The following PAFAH1B2 variants were observed in gnomAD, a reference collection of about 807,000 sequenced individuals.
The protein encoded by PAFAH1B2 is platelet-activating factor acetylhydrolase IB subunit alpha2.
In PAFAH1B2, 8 loss-of-function variants were observed where a neutral mutation model predicts 28.0. That is an observed-to-expected ratio of 0.29 (90% CI 0.17 to 0.52). The LOEUF is 0.52. Ranked by LOEUF, PAFAH1B2 falls within the 20% of genes least tolerant of loss-of-function variation. PAFAH1B2 has a pLI of 0.97. For synonymous variants in PAFAH1B2, 104 were observed against 103.2 expected (o/e 1.01, Z -0.05); for missense variants, 190 against 282.6 (o/e 0.67, Z 2.35).
intron 4 of PAFAH1B2, 22 bp from the exon 5 acceptor site, chr11:117,163,748 C>T (rs1956432223): frequency 1.9e-6 from 3 of 1,611,242 alleles, no homozygotes; most frequent in South Asian, 1.1e-5. Flanking sequence ...TTCTCCTTCC[C>T]CCCTTTTTTC....
At chr11:117,172,390 ATATATATATATATATTTTTTTTTTTTTTT>A (rs1956687234), downstream of PAFAH1B2, among the ~76,000 whole-genome samples, 4 of 1,880 alleles carry the variant, frequency 2.1e-3, no homozygotes, top group Admixed American at 6.8e-3. Context: ...ATATATATAT[ATATATATATATATATTTTTTTTTTTTTTT>A]TTTTTTTTTT....
In PAFAH1B2 at chr11:117,159,881, A is replaced by G. The variant is rs916238444; in HGVS notation, c.82-53A>G. 28 of 1,327,084 alleles carry G rather than the reference A, an allele frequency of 2.1e-5. No individual in the cohort carries two copies. The African/African-American group carries it at 3.3e-4, about 16-fold the overall frequency. The allele number at this position is 1,327,084 out of a possible 1,614,324, so 82.2% of individuals were successfully genotyped here. On this transcript the variant is annotated intron_variant, in intron 2 of 5. Coordinates refer to ENST00000527958, the MANE Select transcript of PAFAH1B2 (RefSeq NM_002572.4). Reference sequence around the variant, plus strand: ...GTTGAGAGTTCAAGCATGGGCCACCACACCCAGCCAGAAGTGCCAGTTAAT... The same window carrying G: ...GTTGAGAGTTCAAGCATGGGCCACCGCACCCAGCCAGAAGTGCCAGTTAAT...
At chr11:117,150,350 A>G (rs1395963728) in intron 1 of PAFAH1B2, among the ~76,000 whole-genome samples, 2 of 151,708 alleles carry the variant, frequency 1.3e-5, no homozygotes, top group Non-Finnish European at 2.9e-5. Context: ...GGGTTTCACC[A>G]TGTTGGCCAG....
chr11:117,151,397 T>G (rs1956148668), intron 1 of PAFAH1B2, among the ~76,000 whole-genome samples: 1 of 151,748 alleles, frequency 6.6e-6, no homozygotes. Flanking sequence ...GCCCAGCTAA[T>G]TTTTTGTATT....
chr11:117,144,721 AGG>A (rs2134155426), intron 1 of PAFAH1B2, among the ~76,000 whole-genome samples: 1 of 152,040 alleles, frequency 6.6e-6, no homozygotes, highest in South Asian at 2.1e-4. Flanking sequence ...CTTTCCCAGG[AGG>A]GTAGCGCGGC....
rs761852681 is a variant in PAFAH1B2 at position 117,161,299 on chromosome 11, A to C, written c.288+38A>C. ...TTACTTGTCAATGTCATTAATCTTA[A>C]GTCTGTTTTGGATAGTTAAATTGTC... On this transcript the variant is annotated intron_variant, in intron 4 of 5. Coordinates refer to ENST00000527958, the MANE Select transcript of PAFAH1B2 (RefSeq NM_002572.4). 2.3e-6 allele frequency: 3 copies of C among 1,277,524 alleles called. No individual in the cohort carries two copies. In the Admixed American group the frequency reaches 7.5e-5, roughly 32 times the overall value. The allele number at this position is 1,277,524 out of a possible 1,614,324, so 79.1% of individuals were successfully genotyped here. A position where few individuals can be genotyped will look rare whatever the true frequency, so the allele number is the denominator to read the frequency against.
chr11:117,175,674 A>G (rs971348386), downstream of PAFAH1B2: 14 of 1,288,570 alleles, frequency 1.1e-5, no homozygotes, highest in Admixed American at 3.5e-5. Context: ...GCCCCGTTAA[A>G]TTGCAGTTTT....
intron 1 of PAFAH1B2, among the ~76,000 whole-genome samples, chr11:117,151,233 C>CTT (rs11449159): frequency 0.045 from 5,982 of 133,834 alleles, 342 homozygotes; most frequent in African/African-American, 0.12. Flanking sequence ...TTTTCTTTTT[C>CTT]TTTTTTTTTT....
At chr11:117,172,375 TATATATATATATATATATATATATATATA>T (rs1393067663), downstream of PAFAH1B2, among the ~76,000 whole-genome samples, 126 of 2,336 alleles carry the variant, frequency 0.054, 4 homozygotes, top group East Asian at 0.19. Flanking sequence ...TATATATATA[TATATATATATATATATATATATATATATA>T]TTTTTTTTTT....
chr11:117,153,764 AT>A (rs1303665643), intron 2 of PAFAH1B2, among the ~76,000 whole-genome samples: 1 of 151,890 alleles, frequency 6.6e-6, no homozygotes, highest in African/African-American at 2.4e-5. Flanking sequence ...CATTTCCCTT[AT>A]CCCTGAATAT....
intron 1 of PAFAH1B2, among the ~76,000 whole-genome samples, chr11:117,147,923 TGAA>T (rs1334821144): frequency 6.6e-6 from 1 of 152,176 alleles, no homozygotes; most frequent in African/African-American, 2.4e-5. Context: ...TATTTTCCCA[TGAA>T]GAAATTTAGG....
intron 4 of PAFAH1B2, 108 bp downstream of exon 4, chr11:117,161,369 A>AT (rs796234678): frequency 1.6e-6 from 1 of 642,852 alleles, no homozygotes. Flanking sequence ...CTATTTCACT[A>AT]TTTTTTTCGT....
chr11:117,175,983 C>T (rs151004931), downstream of PAFAH1B2: 79 of 1,468,198 alleles, frequency 5.4e-5, no homozygotes, highest in East Asian at 1.6e-3. Flanking sequence ...CACTGATTCT[C>T]CAAACTTGGC....
chr11:117,164,264 G>A (rs147792386), intron 5 of PAFAH1B2: 1,672 of 157,088 alleles, frequency 0.011, 29 homozygotes, highest in African/African-American at 0.036. Flanking sequence ...AAAATTAGCC[G>A]GGTGTGGTGG....
downstream of PAFAH1B2, among the ~76,000 whole-genome samples, chr11:117,174,164 TTGTGTGTGTGTGTGTGTGTGTGTG>T (rs55735449): frequency 7.2e-6 from 1 of 138,806 alleles, no homozygotes; most frequent in Non-Finnish European, 1.6e-5. Context: ...TTCATGTCTT[TTGTGTGTGTGTGTGTGTGTGTGTG>T]TGTGTGTGTG....
At chr11:117,148,789 G>C (rs1024448117) in intron 1 of PAFAH1B2, among the ~76,000 whole-genome samples, 3 of 152,096 alleles carry the variant, frequency 2.0e-5, no homozygotes, top group African/African-American at 7.2e-5. Context: ...AATTTATATA[G>C]ATCATTGGTC....
chr11:117,160,706 C>G (rs1181213190), intron 3 of PAFAH1B2, among the ~76,000 whole-genome samples: 2 of 152,044 alleles, frequency 1.3e-5, no homozygotes, highest in African/African-American at 4.8e-5. Context: ...ATCCACGTGC[C>G]TTGGCCTCAC....
rs1356458226 is a variant in PAFAH1B2, at chr11:117,169,894, G to T, written c.*2195G>T. 2 of 1,053,968 alleles carry T rather than the reference G, an allele frequency of 1.9e-6. No homozygotes were observed. The highest frequency in any genetic ancestry group is 3.3e-5 in the African/African-American group (2 of 60,470). The allele number at this position is 1,053,968 out of a possible 1,614,324, so 65.3% of individuals were successfully genotyped here. ...CCATTAGGTTACTCCTGCAGCATGC[G>T]CTTTTAGCTTCTCTCTTGACTGAGG... On this transcript the variant is annotated 3_prime_UTR_variant, in exon 6 of 6. Transcript: ENST00000527958.
In PAFAH1B2 at chr11:117,170,928, A is replaced by C; in HGVS notation, c.*3229A>C. ...TTCCTGCTTGGGGATCACTGCTGCT[A>C]GCTGACTGGACCTCCCCATTGGAAG... On this transcript the variant is annotated 3_prime_UTR_variant, in exon 6 of 6. Transcript: ENST00000527958. 11 of 1,058,342 alleles carry C rather than the reference A, an allele frequency of 1.0e-5. No homozygotes were observed. Among genetic ancestry groups the C allele is most frequent in the Non-Finnish European group, 1.1e-5 (10 of 874,808 alleles). The allele number at this position is 1,058,342 out of a possible 1,614,324, so 65.6% of individuals were successfully genotyped here.
Sources: allele counts gnomAD v4.1 joint callset (sites outside exome capture counted in the v4.1 genomes callset), GRCh38; gene constraint gnomAD v4.1.1; transcripts MANE v1.5; gene names NCBI Gene and HGNC (gene_info 2026-07-23, HGNC 2026-07-21).